The following DTNB variants were observed in gnomAD, a reference collection of about 807,000 sequenced individuals.
DTNB encodes DTN-B.
DTNB carries 63 observed loss-of-function variants against 90.7 expected under a neutral mutation model. That is an observed-to-expected ratio of 0.69 (90% CI 0.57 to 0.86). DTNB has a LOEUF of 0.86. Among genes scored for constraint, DTNB ranks in the 40% least tolerant of loss-of-function variants. The probability of loss-of-function intolerance (pLI) is 0.00; values close to 1 mark genes in which losing one functional copy is unlikely to be tolerated. For synonymous variants in DTNB, 277 were observed against 286.7 expected (o/e 0.97, Z 0.34); for missense variants, 744 against 807.1 (o/e 0.92, Z 0.95).
At chr2:25,445,203 G>A (rs1025514792) in intron 12 of DTNB, among the ~76,000 whole-genome samples, 4 of 152,070 alleles carry the variant, frequency 2.6e-5, no homozygotes, top group Non-Finnish European at 5.9e-5. Context: ...ACCATAGCAC[G>A]GCCCATCTCA....
chr2:25,515,694 G>A (rs1173373832), intron 9 of DTNB, among the ~76,000 whole-genome samples: 1 of 152,048 alleles, frequency 6.6e-6, no homozygotes, highest in Non-Finnish European at 1.5e-5. Context: ...TCCTGCCTAA[G>A]CCTCCTGAGT....
intron 7 of DTNB, among the ~76,000 whole-genome samples, chr2:25,579,634 A>G (rs964199500): frequency 6.6e-6 from 1 of 152,190 alleles, no homozygotes; most frequent in Non-Finnish European, 1.5e-5. Context: ...TTTAACTCAA[A>G]GCAAAACAAA....
At chr2:25,617,673 A>C (rs2071148640) in intron 4 of DTNB, among the ~76,000 whole-genome samples, 1 of 152,196 alleles carries the variant, frequency 6.6e-6, no homozygotes, top group Non-Finnish European at 1.5e-5. Context: ...CAGGTGGATC[A>C]CTTGAGACCA....
chr2:25,653,215 G>T (rs1014565439), intron 1 of DTNB: 1 of 152,362 alleles, frequency 6.6e-6, no homozygotes, highest in African/African-American at 2.4e-5. Flanking sequence ...TTGTGGGAGA[G>T]AGGTAATTGA....
intron 1 of DTNB, among the ~76,000 whole-genome samples, chr2:25,668,532 T>G (rs1419090097): frequency 6.6e-6 from 1 of 152,224 alleles, no homozygotes; most frequent in African/African-American, 2.4e-5. Context: ...CCCATAGAAC[T>G]ATACAATACA....
chr2:25,490,331 T>C (rs904223855), intron 9 of DTNB, among the ~76,000 whole-genome samples: 6 of 152,048 alleles, frequency 3.9e-5, no homozygotes, highest in African/African-American at 1.4e-4. Context: ...AATGATCTTT[T>C]TAAAAAGGCA....
chr2:25,555,366 A>C (rs752615853), intron 8 of DTNB, among the ~76,000 whole-genome samples: 7 of 151,856 alleles, frequency 4.6e-5, no homozygotes, highest in South Asian at 2.1e-4. Context: ...AGTCTTTTCT[A>C]TATGCTTGAT....
At chr2:25,571,822 A>G (rs760098932) in intron 8 of DTNB, among the ~76,000 whole-genome samples, 2 of 152,066 alleles carry the variant, frequency 1.3e-5, no homozygotes, top group African/African-American at 2.4e-5. Flanking sequence ...GGGGGTAAAG[A>G]CAGAGGCACA....
chr2:25,484,010 C>T (rs74349821), intron 9 of DTNB, among the ~76,000 whole-genome samples: 5,930 of 152,278 alleles, frequency 0.039, 412 homozygotes, highest in African/African-American at 0.13. Context: ...AGCTTGGAGG[C>T]TACATACATA....
chr2:25,487,546 G>T (rs544881283), intron 9 of DTNB, among the ~76,000 whole-genome samples: 1 of 152,286 alleles, frequency 6.6e-6, no homozygotes, highest in East Asian at 1.9e-4. Context: ...GATACTGAGA[G>T]ACAACTGACA....
chr2:25,469,180 A>G (rs1228678743), intron 10 of DTNB, among the ~76,000 whole-genome samples: 1 of 152,204 alleles, frequency 6.6e-6, no homozygotes, highest in East Asian at 1.9e-4. Context: ...GACCTAGTCC[A>G]GGAGATCAGA....
At chr2:25,633,115 G>A (rs1444947272) in intron 3 of DTNB, among the ~76,000 whole-genome samples, 2 of 152,214 alleles carry the variant, frequency 1.3e-5, no homozygotes, top group South Asian at 2.1e-4. Flanking sequence ...CAAGATCACT[G>A]TATTTCTGTA....
intron 10 of DTNB, among the ~76,000 whole-genome samples, chr2:25,477,147 A>T (rs1394646151): frequency 2.0e-5 from 3 of 152,230 alleles, no homozygotes; most frequent in Non-Finnish European, 2.9e-5. Flanking sequence ...TAGCAATTAG[A>T]TAATTTTAAA....
At chr2:25,549,413 T>C (rs1440779539) in intron 8 of DTNB, among the ~76,000 whole-genome samples, 1 of 152,164 alleles carries the variant, frequency 6.6e-6, no homozygotes, top group Admixed American at 6.5e-5. Context: ...CTAACTTGTC[T>C]AGTAGTCACC....
intron 1 of DTNB, among the ~76,000 whole-genome samples, chr2:25,660,172 T>C (rs2082867299): frequency 3.9e-5 from 6 of 152,048 alleles, no homozygotes; most frequent in African/African-American, 7.2e-5. Flanking sequence ...TTTCAACAAG[T>C]GGTGCTGGAA....
In DTNB at chr2:25,433,924, C is replaced by T; in HGVS notation, c.1329G>A (p.Leu443=). ...NKQQRQLIAE[L]ENKNREILQE... is the part of the protein sequence containing the mutation. The stretch of plus-strand genomic sequence containing the variant: ...TGCGTTCTTACCTGTTTTTGTTTTC[C>T]AGTTCTGCAATAAGCTGTCTTTGTT... The change falls in exon 13 of 21, where the codon CTG becomes CTA. Residue 443 remains leucine, a synonymous_variant. Transcript: ENST00000406818. The T allele has an allele frequency of 6.2e-7, 1 of 1,613,742 alleles. No individual in the cohort carries two copies. Among genetic ancestry groups the T allele is most frequent in the Non-Finnish European group, 8.5e-7 (1 of 1,179,802 alleles).
chr2:25,538,961 C>A (rs958166566), intron 8 of DTNB, among the ~76,000 whole-genome samples: 1 of 152,122 alleles, frequency 6.6e-6, no homozygotes, highest in Non-Finnish European at 1.5e-5. Flanking sequence ...AGCAATTATG[C>A]ATAATACATT....
intron 10 of DTNB, among the ~76,000 whole-genome samples, chr2:25,471,692 G>A (rs1427323160): frequency 2.6e-5 from 4 of 152,090 alleles, no homozygotes; most frequent in African/African-American, 7.2e-5. Flanking sequence ...GTGAGCCACC[G>A]CATCTGGCCT....
chr2:25,456,574 TG>T (rs1313721644), intron 10 of DTNB, among the ~76,000 whole-genome samples: 7 of 151,814 alleles, frequency 4.6e-5, no homozygotes, highest in East Asian at 1.9e-4. Flanking sequence ...TTTTTGTTTT[TG>T]TTTTTTTGTT....
Sources: gnomAD v4.1 joint callset for allele counts (sites outside exome capture counted in the v4.1 genomes callset) on GRCh38, gnomAD v4.1.1 for gene constraint, MANE v1.5 for transcripts, NCBI Gene and HGNC (gene_info 2026-07-23, HGNC 2026-07-21) for gene names.